SHISAL1: variants seen among roughly 807,000 people sequenced by gnomAD.
SHISAL1 encodes shisa like 1, also known as protein shisa-like-1.
Under a neutral mutation model 22.6 loss-of-function variants are expected in SHISAL1, and 9 were observed. The observed-to-expected ratio is 0.40, with a 90% CI of 0.24 to 0.70. The LOEUF is 0.70. SHISAL1 is among the 30% of genes least tolerant of loss of function. The pLI is 0.39. For synonymous variants in SHISAL1, 119 were observed against 115.4 expected, an observed-to-expected ratio of 1.03 and a Z score of -0.20; for missense variants, 246 against 270.6, an observed-to-expected ratio of 0.91 and a Z score of 0.64.
chr22:44,283,224 C>T (rs143037254), intron 4 of SHISAL1, among the ~76,000 whole-genome samples: 13 of 152,278 alleles, frequency 8.5e-5, no homozygotes, highest in East Asian at 3.9e-4. Flanking sequence ...CCTTTTTTCA[C>T]GCTCACAGGG....
At chr22:44,257,560 T>C (rs1386083964) in intron 4 of SHISAL1, among the ~76,000 whole-genome samples, 1 of 152,226 alleles carries the variant, frequency 6.6e-6, no homozygotes, top group East Asian at 1.9e-4. Flanking sequence ...CCACTCAATT[T>C]TTCTGTAAAC....
chr22:44,266,578 ATG>A (rs2055165791), intron 4 of SHISAL1, among the ~76,000 whole-genome samples: 1 of 114,862 alleles, frequency 8.7e-6, no homozygotes, highest in African/African-American at 3.5e-5. Flanking sequence ...TCTGGTGTGT[ATG>A]TGTGTGTTGG....
intron 1 of SHISAL1, among the ~76,000 whole-genome samples, chr22:44,305,346 G>A (rs990043136): frequency 5.9e-5 from 9 of 152,322 alleles, no homozygotes; most frequent in Middle Eastern, 3.4e-3. Flanking sequence ...GCAGCCTCCC[G>A]TTATGCGATT....
intron 1 of SHISAL1, among the ~76,000 whole-genome samples, chr22:44,311,663 G>A (rs943319685): frequency 2.0e-4 from 31 of 152,216 alleles, no homozygotes; most frequent in African/African-American, 6.0e-4. Flanking sequence ...GGACTTGAGC[G>A]AGAACACACA....
chr22:44,321,098 C>G, the SHISAL1 span, among the ~76,000 whole-genome samples: 1 of 152,160 alleles, frequency 6.6e-6, no homozygotes, highest in Admixed American at 6.5e-5. Context: ...TTAGCAATGT[C>G]TAATGGTAGC....
the SHISAL1 span, among the ~76,000 whole-genome samples, chr22:44,323,444 CCATCCATCCATCCATT>C: frequency 1.4e-4 from 16 of 117,806 alleles, no homozygotes; most frequent in Non-Finnish European, 2.0e-4. Flanking sequence ...CATCCATCAA[CCATCCATCCATCCATT>C]CATCCATCCA....
At chr22:44,326,779 T>C in the SHISAL1 span, among the ~76,000 whole-genome samples, 2 of 152,058 alleles carry the variant, frequency 1.3e-5, no homozygotes, top group South Asian at 2.1e-4. Flanking sequence ...TCGAAAAATA[T>C]AGGACTGGAG....
upstream of SHISAL1, among the ~76,000 whole-genome samples, chr22:44,316,238 C>T (rs767678250): frequency 3.9e-5 from 6 of 152,172 alleles, no homozygotes; most frequent in African/African-American, 9.7e-5. Context: ...TGGTGGGAAT[C>T]GGCCAGATCT....
At position 44,300,759 on chromosome 22, in the gene SHISAL1, TGGA is replaced by T. The variant is rs1425682227; in HGVS notation, c.67+117_67+119del. 1.8e-5 allele frequency: 14 copies of T among 785,226 alleles called. No homozygotes were observed. In the Admixed American group the frequency reaches 2.8e-4, roughly 16 times the overall value. The allele number at this position is 785,226 out of a possible 1,614,324, so 48.6% of individuals were successfully genotyped here. ...GCTCACCAGAGGGGTGCCAGTAAGG[TGGA>T]GGACAAAAGGCAAGCCTCTGTGTGC... On this transcript the variant is annotated intron_variant, in intron 2 of 4. Coordinates refer to ENST00000381176, the MANE Select transcript of SHISAL1 (RefSeq NM_001099294.2).
At chr22:44,259,920 A>G (rs985763676) in intron 4 of SHISAL1, among the ~76,000 whole-genome samples, 2 of 152,218 alleles carry the variant, frequency 1.3e-5, no homozygotes, top group Non-Finnish European at 2.9e-5. Flanking sequence ...CACTGCAAGC[A>G]TATCTAACTA....
At chr22:44,328,329 A>G in the SHISAL1 span, among the ~76,000 whole-genome samples, 2 of 152,120 alleles carry the variant, frequency 1.3e-5, no homozygotes, top group African/African-American at 4.8e-5. Flanking sequence ...TTTCTCATCT[A>G]TACAACAGAA....
the SHISAL1 span, among the ~76,000 whole-genome samples, chr22:44,327,244 A>ACG: frequency 2.9e-5 from 1 of 34,970 alleles, no homozygotes; most frequent in Non-Finnish European, 9.9e-5. Flanking sequence ...GGGCGCGCAC[A>ACG]CACACACACA....
chr22:44,325,684 A>G, the SHISAL1 span, among the ~76,000 whole-genome samples: 2 of 151,918 alleles, frequency 1.3e-5, no homozygotes, highest in African/African-American at 4.8e-5. Flanking sequence ...TCCTTTAGGG[A>G]AACTTGGCCT....
At chr22:44,266,784 C>CA (rs2055167319) in intron 4 of SHISAL1, among the ~76,000 whole-genome samples, 1 of 152,120 alleles carries the variant, frequency 6.6e-6, no homozygotes, top group African/African-American at 2.4e-5. Context: ...CCTCATACCC[C>CA]ACTCAGCTCC....
At chr22:44,311,228 C>A (rs532483019) in intron 1 of SHISAL1, among the ~76,000 whole-genome samples, 7 of 152,168 alleles carry the variant, frequency 4.6e-5, no homozygotes, top group Admixed American at 4.6e-4. Flanking sequence ...CCCTACCAGG[C>A]GGGCATACCA....
At chr22:44,269,274 AACACACAT>A (rs2055188244) in intron 4 of SHISAL1, among the ~76,000 whole-genome samples, 1 of 149,268 alleles carries the variant, frequency 6.7e-6, no homozygotes, top group Non-Finnish European at 1.5e-5. Flanking sequence ...AGACACCCAC[AACACACAT>A]ACACACACCC....
At chr22:44,266,452 GGGGCTGTGTGTGTGTT>G (rs1159957422) in intron 4 of SHISAL1, among the ~76,000 whole-genome samples, 60 of 142,822 alleles carry the variant, frequency 4.2e-4, no homozygotes, top group South Asian at 1.8e-3. Flanking sequence ...TTGTGTGTGT[GGGGCTGTGTGTGTGTT>G]GGGCTGTGTG....
Position 44,300,895 on chromosome 22 carries a change from T to C in SHISAL1, c.51A>G (p.Ser17=), listed in dbSNP as rs2055423754. The C allele has an allele frequency of 2.5e-6, 4 of 1,613,842 alleles. No homozygotes were observed. The highest frequency in any genetic ancestry group is 2.2e-5 in the East Asian group (1 of 44,870). The change falls in exon 2 of 5, where the codon TCA becomes TCG. Residue 17 remains serine, a synonymous_variant. Coordinates refer to ENST00000381176, the MANE Select transcript of SHISAL1 (RefSeq NM_001099294.2). ...QSLNVLAVLF[S]LLFSAVLSAH... ...AGGTTTTACCTGCAGAAAACAGCAATGAGAAGAGGACGGCGAGCACGTTCA... is the reference window on the plus strand; with the variant it reads ...AGGTTTTACCTGCAGAAAACAGCAACGAGAAGAGGACGGCGAGCACGTTCA...
rs199897031 is a variant in SHISAL1 at position 44,249,659 on chromosome 22, C to T, written c.*26G>A. 1 of 779,962 alleles carries T rather than the reference C, an allele frequency of 1.3e-6. No individual in the cohort carries two copies. Among genetic ancestry groups the T allele is most frequent in the Non-Finnish European group, 2.4e-6 (1 of 418,056 alleles). The allele number at this position is 779,962 out of a possible 1,614,324, so 48.3% of individuals were successfully genotyped here. On this transcript the variant is annotated 3_prime_UTR_variant, in exon 5 of 5. Coordinates refer to ENST00000381176, the MANE Select transcript of SHISAL1 (RefSeq NM_001099294.2). ...CGGGTGCTTCAGATCTCATCTCCCC[C>T]ATCCTGAGGCACAGCAAAAGCGTTT...
Sources: gnomAD v4.1 joint callset for allele counts (sites outside exome capture counted in the v4.1 genomes callset) on GRCh38, gnomAD v4.1.1 for gene constraint, MANE v1.5 for transcripts, NCBI Gene and HGNC (gene_info 2026-07-23, HGNC 2026-07-21) for gene names.